Variants in UGGT2 observed in about 807,000 individuals in gnomAD.
UGGT2 encodes UDP-glucose:glycoprotein glucosyltransferase 2.
Under a neutral mutation model 192.1 loss-of-function variants are expected in UGGT2, and 180 were observed. The ratio of observed to expected loss-of-function variants is 0.94; its 90% CI spans 0.83 to 1.06. UGGT2 has a LOEUF of 1.06. UGGT2 is among the 50% of genes least tolerant of loss of function. UGGT2 has a pLI of 0.00. For missense variants in UGGT2, 1,849 were observed against 1,795.7 expected (o/e 1.03, Z -0.54); for synonymous variants, 580 against 591.0 (o/e 0.98, Z 0.27).
intron 15 of UGGT2, among the ~76,000 whole-genome samples, chr13:95,946,002 C>T (rs914108872): frequency 6.6e-6 from 1 of 151,902 alleles, no homozygotes; most frequent in African/African-American, 2.4e-5. Context: ...CAAGCTAAAG[C>T]CCAATGAATA....
intron 20 of UGGT2, among the ~76,000 whole-genome samples, chr13:95,924,135 C>T (rs905136881): frequency 6.6e-6 from 1 of 152,042 alleles, no homozygotes; most frequent in Non-Finnish European, 1.5e-5. Context: ...TCTAATGATA[C>T]TTGGGTTTTG....
chr13:95,870,280 G>C (rs2140128997), intron 29 of UGGT2, among the ~76,000 whole-genome samples: 2 of 152,314 alleles, frequency 1.3e-5, no homozygotes, highest in South Asian at 2.1e-4. Context: ...GCAGTAGTTA[G>C]AAAGATACAC....
At chr13:95,993,158 C>A (rs561258952) in intron 7 of UGGT2, among the ~76,000 whole-genome samples, 11 of 152,206 alleles carry the variant, frequency 7.2e-5, no homozygotes, top group African/African-American at 2.6e-4. Context: ...AAACCAAATA[C>A]CCTGTGTTCT....
chr13:95,854,100 G>A (rs1235990653), intron 35 of UGGT2, among the ~76,000 whole-genome samples: 1 of 152,154 alleles, frequency 6.6e-6, no homozygotes, highest in African/African-American at 2.4e-5. Flanking sequence ...CTACAAAATG[G>A]AGGTAATAAC....
Position 96,013,304 on chromosome 13 carries a change from T to TAC in UGGT2, c.660+1_660+2dup. 1 of 1,573,082 alleles carries TAC rather than the reference T, an allele frequency of 6.4e-7. No individual in the cohort carries two copies. Among genetic ancestry groups the TAC allele is most frequent in the Non-Finnish European group, 8.6e-7 (1 of 1,168,176 alleles). On this transcript the variant is annotated splice_region_variant and intron_variant, in intron 5 of 38. Transcript: ENST00000376747. Reference sequence around the variant, plus strand: ...AGCAACCTTGGAAAAAACAAGCGCATACCTGAATATAATGGCGAAGAACAT... The same window carrying TAC: ...AGCAACCTTGGAAAAAACAAGCGCATACACCTGAATATAATGGCGAAGAACAT...
Position 95,980,007 on chromosome 13 carries a change from C to T in UGGT2, c.1092+3797G>A, listed in dbSNP as rs1594496097. Among the ~76,000 whole-genome samples, 4 of 152,042 alleles carry T rather than the reference C, an allele frequency of 2.6e-5. No homozygotes were observed. In the South Asian group the frequency reaches 8.3e-4, roughly 32 times the overall value. On this transcript the variant is annotated intron_variant, in intron 10 of 38. Coordinates refer to ENST00000376747, the MANE Select transcript of UGGT2 (RefSeq NM_020121.4). ...AACCAAAAAGTAACAGATGTTGGCA[C>T]GGATGTGGTGAAAAGGGAACACTTT... is the stretch of plus-strand genomic sequence containing the variant.
Position 95,868,355 on chromosome 13 carries a change from G to C in UGGT2, c.3474-932C>G, listed in dbSNP as rs569848565. Among the ~76,000 whole-genome samples the C allele has an allele frequency of 2.0e-5, 3 of 152,236 alleles. No individual in the cohort carries two copies. The East Asian group carries it at 5.8e-4, about 29-fold the overall frequency. On this transcript the variant is annotated intron_variant, in intron 29 of 38. Transcript: ENST00000376747. ...TTACACCTGTGACCCCAGCACTTTG[G>C]GAGGCTGGGGTGGGAGAATCGCTTG...
At chr13:95,864,441 A>C (rs1324678723) in intron 30 of UGGT2, among the ~76,000 whole-genome samples, 1 of 152,122 alleles carries the variant, frequency 6.6e-6, no homozygotes, top group African/African-American at 2.4e-5. Context: ...CTAAAACTCT[A>C]TTTCCTCTGT....
intron 1 of UGGT2, among the ~76,000 whole-genome samples, chr13:96,050,127 T>C (rs1254093471): frequency 1.3e-5 from 2 of 152,028 alleles, no homozygotes; most frequent in African/African-American, 2.4e-5. Context: ...GGTGCCAAAA[T>C]AGAGATATAG....
chr13:95,946,020 GA>G (rs949540012), intron 15 of UGGT2, among the ~76,000 whole-genome samples: 4 of 150,906 alleles, frequency 2.7e-5, no homozygotes, highest in African/African-American at 7.3e-5. Context: ...ATATAAAAAT[GA>G]AAAAAAACTT....
At chr13:95,921,971 T>C (rs879542170) in intron 20 of UGGT2, among the ~76,000 whole-genome samples, 1 of 152,196 alleles carries the variant, frequency 6.6e-6, no homozygotes, top group Non-Finnish European at 1.5e-5. Flanking sequence ...AAAAGACACC[T>C]GCACTCATGT....
At chr13:95,927,375 T>G (rs2049052727) in intron 17 of UGGT2, 39 bp from the exon 18 acceptor site, 2 of 1,527,514 alleles carry the variant, frequency 1.3e-6, no homozygotes, top group South Asian at 2.6e-5. Context: ...ATACAGGCAA[T>G]TTATATCCAT....
At position 96,047,064 on chromosome 13, in the gene UGGT2, G is replaced by A. The variant is rs115691648; in HGVS notation, c.158+6091C>T. 5.3e-3 allele frequency among the ~76,000 whole-genome samples: 805 copies of A among 152,310 alleles called. 11 individuals are homozygous for A. Among genetic ancestry groups the A allele is most frequent in the African/African-American group, 0.019 (771 of 41,560 alleles). On this transcript the variant is annotated intron_variant, in intron 1 of 38. Coordinates refer to ENST00000376747, the MANE Select transcript of UGGT2 (RefSeq NM_020121.4). ...GGGGTCAGGGCATAACTGAACAAAA[G>A]GCAGCAGAAACTTCTGCACACTTAT...
intron 36 of UGGT2, among the ~76,000 whole-genome samples, chr13:95,841,487 C>T (rs1458280268): frequency 1.3e-5 from 2 of 152,104 alleles, no homozygotes; most frequent in African/African-American, 4.8e-5. Flanking sequence ...AGGTCAGTTG[C>T]GTAGCCAGCC....
At chr13:96,046,953 G>A (rs1361046328) in intron 1 of UGGT2, among the ~76,000 whole-genome samples, 1 of 152,212 alleles carries the variant, frequency 6.6e-6, no homozygotes, top group African/African-American at 2.4e-5. Context: ...GTTTGAGTAG[G>A]TAAACAAAGC....
At position 95,986,501 on chromosome 13, in the gene UGGT2, G is replaced by A. The variant is rs142276395; in HGVS notation, c.932-69C>T. On this transcript the variant is annotated intron_variant, in intron 8 of 38. Transcript: ENST00000376747. ...CCTTTATAGACATTTCCATGAAATT[G>A]AAATACTTGACTCAATTCTTCTTGC... 2.0e-5 allele frequency: 22 copies of A among 1,121,718 alleles called. 1 individual carries two copies. The African/African-American group carries it at 3.0e-4, about 15-fold the overall frequency. The allele number at this position is 1,121,718 out of a possible 1,614,324, so 69.5% of individuals were successfully genotyped here. A position where few individuals can be genotyped will look rare whatever the true frequency, so the allele number is the denominator to read the frequency against.
At chr13:95,910,571 G>A (rs1458691316) in intron 20 of UGGT2, among the ~76,000 whole-genome samples, 2 of 152,158 alleles carry the variant, frequency 1.3e-5, no homozygotes, top group African/African-American at 4.8e-5. Context: ...CAATACAGGA[G>A]CACCCAGATT....
intron 20 of UGGT2, among the ~76,000 whole-genome samples, chr13:95,924,762 G>C (rs190124977): frequency 6.6e-6 from 1 of 152,232 alleles, no homozygotes; most frequent in Admixed American, 6.5e-5. Context: ...ACCAAAAACA[G>C]GTCTATGTGG....
chr13:95,966,583 T>A (rs2050586165), intron 12 of UGGT2, among the ~76,000 whole-genome samples: 1 of 152,138 alleles, frequency 6.6e-6, no homozygotes, highest in Admixed American at 6.5e-5. Context: ...ATAGAAATGA[T>A]AAATACTGCT....
Sources: gnomAD v4.1 joint callset for allele counts (sites outside exome capture counted in the v4.1 genomes callset) on GRCh38, gnomAD v4.1.1 for gene constraint, MANE v1.5 for transcripts, NCBI Gene and HGNC (gene_info 2026-07-23, HGNC 2026-07-21) for gene names.